Variants in DYRK1A observed in about 807,000 individuals in gnomAD.
DYRK1A encodes the protein dual specificity tyrosine phosphorylation regulated kinase 1A.
A neutral mutation model predicts 79.7 loss-of-function variants in DYRK1A; 9 were observed. The observed-to-expected ratio is 0.11, with a 90% CI of 0.07 to 0.20. The LOEUF (loss-of-function observed/expected upper bound fraction) is 0.20. Ranked by LOEUF, DYRK1A falls within the 10% of genes least tolerant of loss-of-function variation. The pLI, the probability that DYRK1A is intolerant of heterozygous loss-of-function variation, is 1.00. For synonymous variants in DYRK1A, 349 were observed against 329.7 expected, an observed-to-expected ratio of 1.06 and a Z score of -0.63; for missense variants, 622 against 956.0, an observed-to-expected ratio of 0.65 and a Z score of 4.61.
intron 2 of DYRK1A, among the ~76,000 whole-genome samples, chr21:37,443,379 AT>A (rs2148483143): frequency 6.6e-6 from 1 of 151,954 alleles, no homozygotes; most frequent in African/African-American, 2.4e-5. Context: ...CCATTGATTG[AT>A]TTCCCCCACC....
intron 8 of DYRK1A, among the ~76,000 whole-genome samples, chr21:37,494,524 T>A (rs1202361176): frequency 1.3e-5 from 2 of 151,784 alleles, no homozygotes; most frequent in Non-Finnish European, 2.9e-5. Context: ...TCTGAGATAC[T>A]CCTTTGCTGA....
intron 9 of DYRK1A, chr21:37,503,801 ATTGT>A (rs2053520772): frequency 6.6e-6 from 1 of 152,188 alleles, no homozygotes; most frequent in Non-Finnish European, 1.5e-5. Context: ...TTTGAACTAA[ATTGT>A]TTATCATAAT....
chr21:37,447,685 A>G (rs2051317939), intron 2 of DYRK1A, among the ~76,000 whole-genome samples: 1 of 152,160 alleles, frequency 6.6e-6, no homozygotes, highest in Non-Finnish European at 1.5e-5. Flanking sequence ...ACTCACGGCC[A>G]TGGTGCAGCT....
intron 2 of DYRK1A, among the ~76,000 whole-genome samples, chr21:37,435,300 G>A (rs1262494501): frequency 1.3e-5 from 2 of 152,136 alleles, no homozygotes; most frequent in African/African-American, 2.4e-5. Flanking sequence ...ATATGGTGTC[G>A]GTTTAGTGGT....
chr21:37,488,583 A>C, intron 6 of DYRK1A: 1 of 985,342 alleles, frequency 1.0e-6, no homozygotes, highest in Non-Finnish European at 1.2e-6. Flanking sequence ...CATTCTCCCC[A>C]AAATTTGGTT....
intron 1 of DYRK1A, among the ~76,000 whole-genome samples, chr21:37,370,864 T>C (rs2049415594): frequency 6.6e-6 from 1 of 152,242 alleles, no homozygotes. Context: ...TGAAACTTGA[T>C]ACTAACAGTT....
chr21:37,442,053 T>A (rs887912585), intron 2 of DYRK1A, among the ~76,000 whole-genome samples: 3 of 151,650 alleles, frequency 2.0e-5, no homozygotes, highest in South Asian at 2.1e-4. Context: ...TGCTGCACCA[T>A]CTGCTCTCTC....
chr21:37,505,437 A>C lies in DYRK1A; in HGVS notation c.1367A>C (p.Lys456Thr). 6.2e-7 allele frequency: 1 copy of C among 1,614,204 alleles called. No homozygotes were observed. Among genetic ancestry groups the C allele is most frequent in the Non-Finnish European group, 8.5e-7 (1 of 1,180,040 alleles). ...TTAAGGATGCTTGATTATGACCCCA[A>C]AACTCGAATTCAACCTTATTATGCT... ...LILRMLDYDP[K>T]TRIQPYYALQ... The change falls in exon 10 of 12, where the codon AAA becomes ACA. Residue 456 changes from lysine to threonine, a missense_variant. This residue lies in a region of DYRK1A where 80 missense variants were observed against 116.5 expected (regional missense o/e 0.69). Transcript: ENST00000647188.
Position 37,430,348 on chromosome 21 carries a change from C to T in DYRK1A, c.10+9964C>T, listed in dbSNP as rs74706839. On this transcript the variant is annotated intron_variant, in intron 2 of 11. Transcript: ENST00000647188. ...GACTCATGGAGAGGGAGATGTGATA[C>T]TGTGTCACTGAGGTCGTTCCAGTCA... 155 of 984,524 alleles carry T rather than the reference C, an allele frequency of 1.6e-4. 2 individuals carry two copies. In the East Asian group the frequency reaches 0.016, roughly 102 times the overall value. The allele number at this position is 984,524 out of a possible 1,614,324, so 61.0% of individuals were successfully genotyped here. A position where few individuals can be genotyped will look rare whatever the true frequency, so the allele number is the denominator to read the frequency against.
rs10590534 is a variant in DYRK1A, at chr21:37,519,736, GTTTTTTTTTTTT to G, written c.*7217_*7228del. The G allele has an allele frequency of 4.7e-5, 4 of 85,802 alleles. No individual in the cohort carries two copies. The highest frequency in any genetic ancestry group is 1.9e-4 in the African/African-American group (4 of 20,614). The allele number at this position is 85,802 out of a possible 1,614,324, so 5.3% of individuals were successfully genotyped here. A position where few individuals can be genotyped will look rare whatever the true frequency, so the allele number is the denominator to read the frequency against. On this transcript the variant is annotated 3_prime_UTR_variant, in exon 12 of 12. Coordinates refer to ENST00000647188, the MANE Select transcript of DYRK1A (RefSeq NM_001347721.2). ...AGAGTTTTGAGGTTTGTTGTGGGAAGTTTTTTTTTTTTTTTTTTTTTTTGAGGCGGAGTCTCG... is the reference window on the plus strand; with the variant it reads ...AGAGTTTTGAGGTTTGTTGTGGGAAGTTTTTTTTTTTGAGGCGGAGTCTCG...
chr21:37,508,662 G>A (rs928450916), intron 11 of DYRK1A, among the ~76,000 whole-genome samples: 2 of 151,980 alleles, frequency 1.3e-5, no homozygotes, highest in South Asian at 2.1e-4. Flanking sequence ...TCAAGGCGTC[G>A]GTGCTTTCCA....
At chr21:37,501,166 G>GTTTTTT (rs34646709) in intron 9 of DYRK1A, among the ~76,000 whole-genome samples, 11 of 93,996 alleles carry the variant, frequency 1.2e-4, no homozygotes, top group Non-Finnish European at 1.7e-4. Flanking sequence ...GTTGTTGTTG[G>GTTTTTT]TTTTTTTTTT....
rs2148666214 is a variant in DYRK1A at position 37,514,042 on chromosome 21, C to T, written c.*1511C>T. On this transcript the variant is annotated 3_prime_UTR_variant, in exon 12 of 12. Coordinates refer to ENST00000647188, the MANE Select transcript of DYRK1A (RefSeq NM_001347721.2). ...ATTGACATCTAATTCAAGATTACAA[C>T]ATCTGTTACATTCTAAGTGTGTTCA... is the stretch of plus-strand genomic sequence containing the variant. The T allele has an allele frequency of 6.5e-6, 1 of 152,758 alleles. No homozygotes were observed. Among genetic ancestry groups the T allele is most frequent in the East Asian group, 1.9e-4 (1 of 5,182 alleles). The allele number at this position is 152,758 out of a possible 1,614,324, so 9.5% of individuals were successfully genotyped here. A position where few individuals can be genotyped will look rare whatever the true frequency, so the allele number is the denominator to read the frequency against.
At chr21:37,463,038 T>G (rs564235436) in intron 2 of DYRK1A, among the ~76,000 whole-genome samples, 2 of 152,328 alleles carry the variant, frequency 1.3e-5, no homozygotes, top group African/African-American at 4.8e-5. Flanking sequence ...CTAACAATTT[T>G]AATATATAGA....
intron 1 of DYRK1A, among the ~76,000 whole-genome samples, chr21:37,374,187 T>C (rs1014741603): frequency 2.6e-5 from 4 of 151,956 alleles, no homozygotes; most frequent in African/African-American, 9.7e-5. Context: ...CATTTAGTGT[T>C]AATAGTCCAC....
intron 3 of DYRK1A, among the ~76,000 whole-genome samples, chr21:37,475,807 G>A (rs894503945): frequency 6.6e-6 from 1 of 151,856 alleles, no homozygotes; most frequent in Non-Finnish European, 1.5e-5. Flanking sequence ...ATTTTTTTTT[G>A]ATTATATGTG....
chr21:37,487,982 A>G (rs988644799), intron 6 of DYRK1A: 2 of 152,142 alleles, frequency 1.3e-5, no homozygotes, highest in Admixed American at 6.6e-5. Flanking sequence ...ATCTCTGAAC[A>G]TGCCTCCTGC....
At chr21:37,370,329 G>T (rs1219967208) in intron 1 of DYRK1A, among the ~76,000 whole-genome samples, 1 of 150,732 alleles carries the variant, frequency 6.6e-6, no homozygotes, top group Non-Finnish European at 1.5e-5. Context: ...AATTTAGGCT[G>T]CCCTGAGGTG....
chr21:37,374,458 G>T (rs994766085), intron 1 of DYRK1A, among the ~76,000 whole-genome samples: 2 of 151,628 alleles, frequency 1.3e-5, no homozygotes, highest in African/African-American at 4.9e-5. Flanking sequence ...GAAAACTAAT[G>T]GTTCCCAAAC....
Sources: gnomAD v4.1 joint callset for allele counts (sites outside exome capture counted in the v4.1 genomes callset) on GRCh38, gnomAD v4.1.1 for gene constraint, gnomAD v4.1.1 regional missense constraint, MANE v1.5 for transcripts, NCBI Gene and HGNC (gene_info 2026-07-23, HGNC 2026-07-21) for gene names.